The following TENM2 variants were observed in gnomAD, a reference collection of about 807,000 sequenced individuals.
TENM2 encodes teneurin transmembrane protein 2.
A neutral mutation model predicts 245.2 loss-of-function variants in TENM2; 52 were observed. That is an observed-to-expected ratio of 0.21 (90% CI 0.17 to 0.27). TENM2 has a LOEUF of 0.27. Among genes scored for constraint, TENM2 ranks in the 10% least tolerant of loss-of-function variants. TENM2 has a pLI of 1.00. For synonymous variants in TENM2, 1,363 were observed against 1,438.9 expected, an observed-to-expected ratio of 0.95 and a Z score of 1.19; for missense variants, 3,046 against 3,666.8, an observed-to-expected ratio of 0.83 and a Z score of 4.37.
intron 4 of TENM2, among the ~76,000 whole-genome samples, chr5:167,968,962 A>G (rs1287287830): frequency 3.3e-5 from 5 of 152,194 alleles, no homozygotes; most frequent in Non-Finnish European, 4.4e-5. Flanking sequence ...TCTAACTCTC[A>G]GAATCCATAC....
intron 2 of TENM2, among the ~76,000 whole-genome samples, chr5:167,827,890 G>C (rs1768123222): frequency 6.6e-6 from 1 of 152,048 alleles, no homozygotes; most frequent in Non-Finnish European, 1.5e-5. Context: ...GCTGTGCCCT[G>C]TAGGATCCCT....
intron 3 of TENM2, among the ~76,000 whole-genome samples, chr5:167,929,563 C>T (rs1444675825): frequency 6.6e-6 from 1 of 152,114 alleles, no homozygotes; most frequent in African/African-American, 2.4e-5. Context: ...TTAGATATTA[C>T]CATGTTATTA....
At chr5:167,606,915 T>G (rs1379668525) in intron 2 of TENM2, among the ~76,000 whole-genome samples, 3 of 152,172 alleles carry the variant, frequency 2.0e-5, no homozygotes, top group Admixed American at 6.5e-5. Flanking sequence ...GATGAGCAGC[T>G]TCAGGTGAAA....
At chr5:168,254,079 C>T (rs188967417) in intron 27 of TENM2, among the ~76,000 whole-genome samples, 1 of 152,364 alleles carries the variant, frequency 6.6e-6, no homozygotes, top group Non-Finnish European at 1.5e-5. Flanking sequence ...CTCACATCAT[C>T]CTCTTCTCAT....
intron 2 of TENM2, among the ~76,000 whole-genome samples, chr5:167,543,292 A>G (rs1772334407): frequency 6.6e-6 from 1 of 152,186 alleles, no homozygotes; most frequent in South Asian, 2.1e-4. Context: ...TAGGCCCAGA[A>G]GTTGTCCTGT....
At chr5:166,999,581 A>T in the TENM2 span, among the ~76,000 whole-genome samples, 1 of 152,132 alleles carries the variant, frequency 6.6e-6, no homozygotes, top group Admixed American at 6.6e-5. Flanking sequence ...AAGGCAAGGG[A>T]TCTAGAACAT....
intron 2 of TENM2, among the ~76,000 whole-genome samples, chr5:167,686,121 TC>T (rs1288914796): frequency 6.6e-6 from 1 of 152,190 alleles, no homozygotes; most frequent in Non-Finnish European, 1.5e-5. Flanking sequence ...CGTGTATTGA[TC>T]ACTTACTATT....
rs1248631062 is a variant in TENM2 at position 167,435,959 on chromosome 5, CTTTTTCTTTT to C, written c.502+60502_502+60511del. On this transcript the variant is annotated intron_variant, in intron 2 of 28. Transcript: ENST00000518659. ...TCAGGATACCTGGTAGAAGAAATTT[CTTTTTCTTTT>C]TTTTTCTTTTTTTTTTTTTTTTTTT... Among the ~76,000 whole-genome samples, 1,155 of 135,524 alleles carry C rather than the reference CTTTTTCTTTT, an allele frequency of 8.5e-3. 20 individuals are homozygous for C. Among genetic ancestry groups the C allele is most frequent in the African/African-American group, 0.027 (973 of 35,924 alleles). The allele number at this position is 135,524 out of a possible 152,430, so 88.9% of individuals were successfully genotyped here. A position where few individuals can be genotyped will look rare whatever the true frequency, so the allele number is the denominator to read the frequency against.
intron 2 of TENM2, among the ~76,000 whole-genome samples, chr5:167,786,255 A>G (rs554546890): frequency 2.0e-5 from 3 of 152,354 alleles, no homozygotes; most frequent in Admixed American, 1.3e-4. Context: ...CAAATGGCAG[A>G]GGCTGAACTC....
intron 12 of TENM2, among the ~76,000 whole-genome samples, chr5:168,161,218 A>G (rs1174663695): frequency 6.6e-5 from 10 of 152,220 alleles, no homozygotes; most frequent in Non-Finnish European, 1.0e-4. Context: ...CTCCATCATT[A>G]CAAAGCTTTT....
chr5:167,583,758 C>G (rs1400901188), intron 2 of TENM2, among the ~76,000 whole-genome samples: 1 of 152,148 alleles, frequency 6.6e-6, no homozygotes, highest in Non-Finnish European at 1.5e-5. Flanking sequence ...CAGCATCTCC[C>G]CTGCCTCTGA....
At chr5:167,675,641 A>C (rs184945305) in intron 2 of TENM2, among the ~76,000 whole-genome samples, 16 of 152,152 alleles carry the variant, frequency 1.1e-4, no homozygotes, top group Admixed American at 9.8e-4. Flanking sequence ...GTGGATAAGG[A>C]GGTTAGAATC....
chr5:168,158,781 G>A lies in TENM2; in HGVS notation c.2423-3830G>A, dbSNP rs540618985. ...TCAAGACCAGCCTGGCCAACATGGTGAAACTCCATCTCTACTAAAAAAAAA... is the reference window on the plus strand; with the variant it reads ...TCAAGACCAGCCTGGCCAACATGGTAAAACTCCATCTCTACTAAAAAAAAA... On this transcript the variant is annotated intron_variant, in intron 12 of 28. Coordinates refer to ENST00000518659, the Ensembl canonical transcript of TENM2. Among the ~76,000 whole-genome samples, 21 of 139,150 alleles carry A rather than the reference G, an allele frequency of 1.5e-4. No individual in the cohort carries two copies. In the South Asian group the frequency reaches 4.5e-3, roughly 30 times the overall value. 91.3% of individuals were successfully genotyped at this position (139,150 alleles called of 152,430 possible).
At chr5:167,070,478 G>T in the TENM2 span, among the ~76,000 whole-genome samples, 1 of 151,812 alleles carries the variant, frequency 6.6e-6, no homozygotes, top group African/African-American at 2.4e-5. Flanking sequence ...GTGTGAGTTT[G>T]ACAGTTTGGA....
At chr5:167,763,696 G>C (rs946236184) in intron 2 of TENM2, among the ~76,000 whole-genome samples, 1 of 152,078 alleles carries the variant, frequency 6.6e-6, no homozygotes, top group African/African-American at 2.4e-5. Context: ...GGCAGTGCGC[G>C]CTTCTAACTT....
At chr5:167,807,663 A>G (rs1427022539) in intron 2 of TENM2, among the ~76,000 whole-genome samples, 2 of 151,304 alleles carry the variant, frequency 1.3e-5, no homozygotes, top group Non-Finnish European at 2.9e-5. Flanking sequence ...TTAAAATATG[A>G]CATGTGTGAC....
intron 12 of TENM2, among the ~76,000 whole-genome samples, chr5:168,132,802 A>G (rs932826030): frequency 1.3e-5 from 2 of 152,244 alleles, no homozygotes; most frequent in African/African-American, 4.8e-5. Context: ...GCTTTTATAG[A>G]GAATCCACGT....
chr5:167,635,060 G>A (rs1365408272), intron 2 of TENM2, among the ~76,000 whole-genome samples: 1 of 152,308 alleles, frequency 6.6e-6, no homozygotes, highest in East Asian at 1.9e-4. Flanking sequence ...ATCTAGAGCA[G>A]TGGTTCTCAA....
chr5:167,396,766 T>C (rs1161594935), intron 2 of TENM2, among the ~76,000 whole-genome samples: 1 of 152,052 alleles, frequency 6.6e-6, no homozygotes, highest in Non-Finnish European at 1.5e-5. Flanking sequence ...TTTGGAGAAA[T>C]GGTTAAGACT....
Sources: gnomAD v4.1 joint callset for allele counts (sites outside exome capture counted in the v4.1 genomes callset) on GRCh38, gnomAD v4.1.1 for gene constraint, MANE v1.5 for transcripts, NCBI Gene and HGNC (gene_info 2026-07-23, HGNC 2026-07-21) for gene names.